RUBCN: variants seen among roughly 807,000 people sequenced by gnomAD.
RUBCN encodes the protein rubicon autophagy regulator.
RUBCN carries 74 observed loss-of-function variants against 113.2 expected under a neutral mutation model. The ratio of observed to expected loss-of-function variants is 0.65; its 90% CI spans 0.54 to 0.79. The LOEUF (loss-of-function observed/expected upper bound fraction) is 0.79, where lower values mean the gene tolerates loss of function less well. Ranked by LOEUF, RUBCN falls within the 30% of genes least tolerant of loss-of-function variation. The probability of loss-of-function intolerance (pLI) is 0.00; values close to 1 mark genes in which losing one functional copy is unlikely to be tolerated. For synonymous variants in RUBCN, 480 were observed against 490.0 expected (o/e 0.98, Z 0.27); for missense variants, 1,109 against 1,251.7 (o/e 0.89, Z 1.72).
intron 1 of RUBCN, among the ~76,000 whole-genome samples, 156 bp from the exon 2 acceptor site, chr3:197,718,286 G>T (rs1369536573): frequency 6.6e-6 from 1 of 152,156 alleles, no homozygotes; most frequent in Non-Finnish European, 1.5e-5. Flanking sequence ...AACTCTGAGA[G>T]AATTAAAGTT....
chr3:197,720,151 C>T lies in RUBCN; in HGVS notation c.66-2021G>A, dbSNP rs774621102. Among the ~76,000 whole-genome samples, 58 of 152,126 alleles carry T rather than the reference C, an allele frequency of 3.8e-4. 1 individual carries two copies. Among genetic ancestry groups the T allele is most frequent in the Non-Finnish European group, 7.6e-4 (52 of 68,018 alleles). Reference sequence around the variant, plus strand: ...CTAACTACAACCATGTACCTGTTGACCAATCTCTCTCCATGCCCTTCTCCC... The same window carrying T: ...CTAACTACAACCATGTACCTGTTGATCAATCTCTCTCCATGCCCTTCTCCC... On this transcript the variant is annotated intron_variant, in intron 1 of 19. Transcript: ENST00000296343.
intron 2 of RUBCN, among the ~76,000 whole-genome samples, chr3:197,711,781 T>C (rs1411498457): frequency 6.6e-6 from 1 of 152,226 alleles, no homozygotes; most frequent in African/African-American, 2.4e-5. Context: ...TATACTTTTT[T>C]GATTATCTAG....
chr3:197,748,420 G>T (rs1728851144), intron 1 of RUBCN: 1 of 151,580 alleles, frequency 6.6e-6, no homozygotes, highest in Admixed American at 6.6e-5. Flanking sequence ...TAGGTGTGTG[G>T]TTCACTCTTC....
intron 11 of RUBCN, among the ~76,000 whole-genome samples, chr3:197,691,611 A>G (rs1292773057): frequency 1.3e-5 from 2 of 152,160 alleles, no homozygotes; most frequent in African/African-American, 4.8e-5. Context: ...CTGATTGAAC[A>G]TCTCCTCAGG....
chr3:197,688,028 AC>A (rs1219007501), intron 11 of RUBCN, among the ~76,000 whole-genome samples: 5 of 151,214 alleles, frequency 3.3e-5, no homozygotes, highest in Admixed American at 2.0e-4. Flanking sequence ...CCTCCTGTGC[AC>A]CCCCTTTTTC....
At chr3:197,711,701 T>C (rs1038841260) in intron 2 of RUBCN, among the ~76,000 whole-genome samples, 1 of 152,218 alleles carries the variant, frequency 6.6e-6, no homozygotes. Context: ...AAAAATTCTC[T>C]GTAAGGAAAC....
chr3:197,694,527 C>T lies in RUBCN; in HGVS notation c.1532G>A (p.Cys511Tyr), dbSNP rs1044732563. Residue 511 changes from cysteine to tyrosine, a missense_variant, in exon 10 of 20, where the codon TGC (cysteine) becomes TAC (tyrosine). Transcript: ENST00000296343. ...CTCTAGGCACTGGCTCATCATGTTG[C>T]ACTTCATTAGCTCGATGGCAGCAAT... ...SLIAAIELMK[C>Y]NMMSQCLEEE... The T allele has an allele frequency of 6.2e-6, 10 of 1,614,232 alleles. No homozygotes were observed. Among genetic ancestry groups the T allele is most frequent in the South Asian group, 2.2e-5 (2 of 91,082 alleles).
upstream of RUBCN, among the ~76,000 whole-genome samples, chr3:197,739,635 C>G (rs1478664624): frequency 2.6e-5 from 4 of 151,984 alleles, no homozygotes; most frequent in Non-Finnish European, 5.9e-5. Context: ...GGAGGCGGAG[C>G]TTGCAGTGAG....
intron 2 of RUBCN, among the ~76,000 whole-genome samples, chr3:197,707,950 C>A (rs1338106570): frequency 6.7e-6 from 1 of 148,832 alleles, no homozygotes; most frequent in African/African-American, 2.5e-5. Context: ...GGCAATAGTG[C>A]AATACTCTGT....
intron 1 of RUBCN, among the ~76,000 whole-genome samples, chr3:197,721,927 T>C (rs1006909677): frequency 3.3e-5 from 5 of 152,152 alleles, no homozygotes; most frequent in Non-Finnish European, 2.9e-5. Flanking sequence ...TCTAGTTGTA[T>C]TGCACTGTAG....
chr3:197,726,100 T>C (rs576138363), intron 1 of RUBCN, among the ~76,000 whole-genome samples: 79 of 152,354 alleles, frequency 5.2e-4, no homozygotes, highest in Non-Finnish European at 9.6e-4. Context: ...GCTCCTTTAT[T>C]AGAACTCCAA....
intron 7 of RUBCN, 117 bp downstream of exon 7, chr3:197,700,493 ATGT>A: frequency 1.1e-6 from 1 of 902,956 alleles, no homozygotes; most frequent in Non-Finnish European, 1.8e-6. Flanking sequence ...ACAAAATAAG[ATGT>A]TGTATCACCA....
chr3:197,694,421 G>A lies in RUBCN; in HGVS notation c.1638C>T (p.Ile546=). 6.2e-7 allele frequency: 1 copy of A among 1,614,232 alleles called. No individual in the cohort carries two copies. The change falls in exon 10 of 20, where the codon ATC becomes ATT. Residue 546 remains isoleucine, a synonymous_variant. Coordinates refer to ENST00000296343, the MANE Select transcript of RUBCN (RefSeq NM_014687.4). ...KQKIRLRRQQ[I]RTKNLLPMYQ... ...ACATGGGGAGCAGGTTCTTGGTGCG[G>A]ATTTGCTGGCGCCGAAGGCGGATCT...
Position 197,736,863 on chromosome 3 carries a change from G to A in RUBCN, c.-144C>T. 1.5e-6 allele frequency: 2 copies of A among 1,378,264 alleles called. No individual in the cohort carries two copies. The highest frequency in any genetic ancestry group is 1.9e-6 in the Non-Finnish European group (2 of 1,073,640). 85.4% of individuals were successfully genotyped at this position (1,378,264 alleles called of 1,614,324 possible). ...TGCGCTACACCCGGGCGGCGACAGCGGGAGGGACCGCCGCCTGGGCTGCGG... is the reference window on the plus strand; with the variant it reads ...TGCGCTACACCCGGGCGGCGACAGCAGGAGGGACCGCCGCCTGGGCTGCGG... On this transcript the variant is annotated 5_prime_UTR_variant, in exon 1 of 20. Transcript: ENST00000296343.
chr3:197,736,523 C>T (rs1389919291), intron 1 of RUBCN, 132 bp downstream of exon 1: 5 of 492,704 alleles, frequency 1.0e-5, no homozygotes, highest in Non-Finnish European at 1.8e-5. Context: ...GCTTCCCAAA[C>T]AAGTCCTCCG....
chr3:197,704,470 G>C, intron 4 of RUBCN, 72 bp downstream of exon 4: 1 of 1,407,940 alleles, frequency 7.1e-7, no homozygotes, highest in Non-Finnish European at 1.0e-6. Context: ...CCTGGTACCA[G>C]AGGGGTAGAG....
At chr3:197,715,616 G>A (rs1295576735) in intron 2 of RUBCN, among the ~76,000 whole-genome samples, 1 of 152,072 alleles carries the variant, frequency 6.6e-6, no homozygotes, top group Non-Finnish European at 1.5e-5. Context: ...CATTTCACTG[G>A]TGAGGAAACT....
At chr3:197,731,581 G>A (rs967477551) in intron 1 of RUBCN, among the ~76,000 whole-genome samples, 1 of 151,742 alleles carries the variant, frequency 6.6e-6, no homozygotes, top group African/African-American at 2.4e-5. Flanking sequence ...CCGGGCAGAG[G>A]CGCCCCTCAC....
At chr3:197,739,647 A>T (rs554760964), upstream of RUBCN, among the ~76,000 whole-genome samples, 62 of 151,952 alleles carry the variant, frequency 4.1e-4, 1 homozygote, top group African/African-American at 1.4e-3. Flanking sequence ...TGCAGTGAGC[A>T]GAGATCACGC....
Sources: allele counts gnomAD v4.1 joint callset (sites outside exome capture counted in the v4.1 genomes callset), GRCh38; gene constraint gnomAD v4.1.1; transcripts MANE v1.5; gene names NCBI Gene and HGNC (gene_info 2026-07-23, HGNC 2026-07-21).